The following TMEM132D variants were observed in gnomAD, a reference collection of about 807,000 sequenced individuals.
TMEM132D encodes the protein mature OL transmembrane protein.
In TMEM132D, 21 loss-of-function variants were observed where a neutral mutation model predicts 62.3. The observed-to-expected ratio is 0.34, with a 90% CI of 0.24 to 0.49. The LOEUF (loss-of-function observed/expected upper bound fraction) is 0.49, where lower values mean the gene tolerates loss of function less well. Ranked by LOEUF, TMEM132D falls within the 20% of genes least tolerant of loss-of-function variation. The pLI, the probability that TMEM132D is intolerant of heterozygous loss-of-function variation, is 0.99. For synonymous variants in TMEM132D, 621 were observed against 575.6 expected (o/e 1.08, Z -1.13); for missense variants, 1,346 against 1,402.8 (o/e 0.96, Z 0.65).
chr12:129,442,600 C>A (rs1439878741), intron 3 of TMEM132D, among the ~76,000 whole-genome samples: 1 of 141,698 alleles, frequency 7.1e-6, no homozygotes, highest in African/African-American at 2.8e-5. Context: ...CACAGAGTAT[C>A]TTGAGTGGTA....
chr12:129,411,287 A>T (rs1272241533), intron 3 of TMEM132D, among the ~76,000 whole-genome samples: 4 of 152,158 alleles, frequency 2.6e-5, no homozygotes, highest in Admixed American at 1.3e-4. Context: ...TGGTGGAGAG[A>T]GCAGATATCT....
chr12:129,601,041 G>C (rs1200786066), intron 2 of TMEM132D, among the ~76,000 whole-genome samples: 2 of 152,158 alleles, frequency 1.3e-5, no homozygotes, highest in African/African-American at 4.8e-5. Context: ...CCAATAGAAG[G>C]CTGTGTCATT....
At chr12:129,134,266 G>A (rs1260774115) in intron 5 of TMEM132D, among the ~76,000 whole-genome samples, 5 of 151,940 alleles carry the variant, frequency 3.3e-5, no homozygotes, top group South Asian at 2.1e-4. Flanking sequence ...AAAGGAAAGT[G>A]TTCTCAAAAC....
rs36097196 is a variant in TMEM132D at position 129,131,610 on chromosome 12, AAAAG to A, written c.1444-46912_1444-46909del. Among the ~76,000 whole-genome samples the A allele has an allele frequency of 1.7e-4, 26 of 151,760 alleles. No homozygotes were observed. The East Asian group carries it at 2.7e-3, about 16-fold the overall frequency. ...GTGACAGAGTGAGACTCTGTCTAAAAAAAGAAAGAAAGAAAGAAAGAAATTATCC... is the reference window on the plus strand; with the variant it reads ...GTGACAGAGTGAGACTCTGTCTAAAAAAAGAAAGAAAGAAAGAAATTATCC... On this transcript the variant is annotated intron_variant, in intron 5 of 8. Coordinates refer to ENST00000422113, the MANE Select transcript of TMEM132D (RefSeq NM_133448.3).
At chr12:129,487,707 C>T (rs1183653878) in intron 3 of TMEM132D, among the ~76,000 whole-genome samples, 3 of 151,544 alleles carry the variant, frequency 2.0e-5, no homozygotes, top group Admixed American at 6.6e-5. Context: ...CCGAGGCGGG[C>T]GGATCATGAG....
intron 5 of TMEM132D, among the ~76,000 whole-genome samples, chr12:129,108,521 G>A (rs925525146): frequency 6.6e-6 from 1 of 152,160 alleles, no homozygotes; most frequent in African/African-American, 2.4e-5. Context: ...TTCAGCAGGA[G>A]GGAGATGACT....
At chr12:129,594,802 C>T (rs1191164013) in intron 2 of TMEM132D, among the ~76,000 whole-genome samples, 2 of 152,144 alleles carry the variant, frequency 1.3e-5, no homozygotes, top group Non-Finnish European at 2.9e-5. Context: ...TCTAATGTGG[C>T]CTCTGTACAT....
chr12:129,770,093 T>C (rs1457823718), intron 1 of TMEM132D, among the ~76,000 whole-genome samples: 1 of 151,082 alleles, frequency 6.6e-6, no homozygotes, highest in Non-Finnish European at 1.5e-5. Flanking sequence ...GAAATAAAGG[T>C]GTGAGCCACT....
intron 4 of TMEM132D, among the ~76,000 whole-genome samples, chr12:129,256,788 T>G (rs1880412463): frequency 6.6e-6 from 1 of 152,186 alleles, no homozygotes; most frequent in African/African-American, 2.4e-5. Context: ...AACAGGATCT[T>G]GACCTCAGGT....
At chr12:129,776,690 T>C (rs1316907927) in intron 1 of TMEM132D, among the ~76,000 whole-genome samples, 2 of 77,084 alleles carry the variant, frequency 2.6e-5, no homozygotes, top group Non-Finnish European at 4.2e-5. Flanking sequence ...AAAGACTGTG[T>C]TCCTTAACCA....
chr12:129,714,981 G>A (rs759561932), intron 1 of TMEM132D, among the ~76,000 whole-genome samples: 8 of 152,086 alleles, frequency 5.3e-5, no homozygotes, highest in Non-Finnish European at 8.8e-5. Flanking sequence ...CCCCCATCAG[G>A]CAATCAGTAT....
chr12:129,758,648 A>G (rs1279129893), intron 1 of TMEM132D, among the ~76,000 whole-genome samples: 2 of 152,234 alleles, frequency 1.3e-5, no homozygotes, highest in African/African-American at 4.8e-5. Context: ...CAATTCCTTT[A>G]ATAACAGATA....
intron 4 of TMEM132D, among the ~76,000 whole-genome samples, chr12:129,320,482 A>T (rs1311458805): frequency 1.3e-5 from 2 of 152,218 alleles, no homozygotes; most frequent in African/African-American, 4.8e-5. Context: ...TATACTTTCC[A>T]GTTGTCTCAT....
At chr12:129,453,089 C>A (rs767126827) in intron 3 of TMEM132D, among the ~76,000 whole-genome samples, 47 of 152,190 alleles carry the variant, frequency 3.1e-4, no homozygotes, top group Non-Finnish European at 6.0e-4. Context: ...CTATTGTGAA[C>A]TGCGTATGCA....
At position 129,074,548 on chromosome 12, in the gene TMEM132D, C is replaced by T. The variant is rs2135603593; in HGVS notation, c.2627G>A (p.Ser876Asn). ...GTCGCTGGGGATGGTCTGCAAGTGG[C>T]TGTTGTCATCTAAAAGGCTTTCCTG... ...KGQESLLDDN[S>N]HLQTIPSDLT... Residue 876 changes from serine to asparagine, a missense_variant, in exon 9 of 9, where the codon AGC (serine) becomes AAC (asparagine). Physicochemically the swap from Ser to Asn is conservative, Grantham distance 46 (BLOSUM62 1). Coordinates refer to ENST00000422113, the MANE Select transcript of TMEM132D (RefSeq NM_133448.3). The T allele has an allele frequency of 6.2e-7, 1 of 1,614,046 alleles. No individual in the cohort carries two copies. Among genetic ancestry groups the T allele is most frequent in the Non-Finnish European group, 8.5e-7 (1 of 1,180,018 alleles).
intron 5 of TMEM132D, among the ~76,000 whole-genome samples, chr12:129,178,280 T>C (rs1055772748): frequency 6.6e-6 from 1 of 152,228 alleles, no homozygotes; most frequent in African/African-American, 2.4e-5. Context: ...CCTCTGGGTA[T>C]ATACTCAGTA....
chr12:129,209,857 T>C (rs1346441688), intron 4 of TMEM132D, 194 bp from the exon 5 acceptor site: 2 of 678,194 alleles, frequency 2.9e-6, no homozygotes, highest in African/African-American at 3.6e-5. Flanking sequence ...CACCCAGATT[T>C]CCACAGGGCA....
intron 4 of TMEM132D, among the ~76,000 whole-genome samples, chr12:129,307,900 C>T (rs73148879): frequency 4.1e-4 from 63 of 152,198 alleles, no homozygotes; most frequent in Non-Finnish European, 3.7e-4. Flanking sequence ...CTCTTGATAT[C>T]CCCCACATCC....
chr12:129,455,062 A>T (rs1873423842), intron 3 of TMEM132D, among the ~76,000 whole-genome samples: 1 of 152,240 alleles, frequency 6.6e-6, no homozygotes. Flanking sequence ...ATGTGACCAA[A>T]AGCTCAGAGT....
Sources: allele counts gnomAD v4.1 joint callset (sites outside exome capture counted in the v4.1 genomes callset), GRCh38; gene constraint gnomAD v4.1.1; transcripts MANE v1.5; gene names NCBI Gene and HGNC (gene_info 2026-07-23, HGNC 2026-07-21).